The following OR3A1 variants were observed in gnomAD, a reference collection of about 807,000 sequenced individuals.
OR3A1 encodes olfactory receptor family 3 subfamily A member 1.
For missense variants in OR3A1, 402 were observed against 393.8 expected, an observed-to-expected ratio of 1.02 and a Z score of -0.18; for synonymous variants, 145 against 160.0, an observed-to-expected ratio of 0.91 and a Z score of 0.71.
Position 3,291,436 on chromosome 17 carries a change from G to C in OR3A1, c.*199C>G. ...GAAGCTGAATTTGTCTAAGGGGCTG[G>C]CTTGGCAGATCCTATACACTCATTG... On this transcript the variant is annotated 3_prime_UTR_variant, in exon 2 of 2. Coordinates refer to ENST00000323404, the MANE Select transcript of OR3A1 (RefSeq NM_002550.3). 4.1e-6 allele frequency: 2 copies of C among 483,794 alleles called. No individual in the cohort carries two copies. The highest frequency in any genetic ancestry group is 7.2e-6 in the Non-Finnish European group (2 of 277,542). 30.0% of individuals were successfully genotyped at this position (483,794 alleles called of 1,614,324 possible).
At position 3,292,160 on chromosome 17, in the gene OR3A1, C is replaced by G. The variant is rs371724964; in HGVS notation, c.423G>C (p.Gln141His). 1.7e-5 allele frequency: 27 copies of G among 1,614,052 alleles called. No individual in the cohort carries two copies. The African/African-American group carries it at 2.0e-4, about 12-fold the overall frequency. Residue 141 changes from glutamine to histidine, a missense_variant, in exon 2 of 2, where the codon CAG (glutamine) becomes CAC (histidine). By Grantham distance (24) the Gln-to-His change is conservative. Transcript: ENST00000323404. ...CAGCCACCAACATCCTCTGGACTGT[C>G]TGACTCATGCGGGTGCTGTAGGTGA... The part of the protein sequence containing the change: ...RPLTYSTRMS[Q>H]TVQRMLVAAS...
intron 1 of OR3A1, among the ~76,000 whole-genome samples, chr17:3,293,986 G>T (rs942475554): frequency 6.6e-6 from 1 of 152,058 alleles, no homozygotes; most frequent in Non-Finnish European, 1.5e-5. Context: ...GAACATTAGG[G>T]AAAAGAGCTA....
chr17:3,295,949 G>C (rs2048915134), intron 1 of OR3A1, among the ~76,000 whole-genome samples: 1 of 152,126 alleles, frequency 6.6e-6, no homozygotes, highest in Admixed American at 6.5e-5. Context: ...GTCAGAAACA[G>C]GGTAACAGTG....
intron 1 of OR3A1, among the ~76,000 whole-genome samples, chr17:3,297,289 T>C (rs1180627926): frequency 2.0e-5 from 3 of 152,220 alleles, no homozygotes; most frequent in Admixed American, 2.0e-4. Flanking sequence ...TTGACATATC[T>C]ATAGGAGCAG....
chr17:3,296,928 G>C (rs1297506117), intron 1 of OR3A1, among the ~76,000 whole-genome samples: 1 of 152,208 alleles, frequency 6.6e-6, no homozygotes, highest in African/African-American at 2.4e-5. Context: ...AAGAAGGAAA[G>C]CTTTTCAAAT....
intron 1 of OR3A1, 47 bp downstream of exon 1, chr17:3,298,236 C>T (rs559420244): frequency 2.2e-4 from 33 of 152,264 alleles, no homozygotes; most frequent in Admixed American, 5.9e-4. Flanking sequence ...TCCAAGAAGC[C>T]TGTCTTACAC....
At position 3,291,795 on chromosome 17, in the gene OR3A1, A is replaced by AT; in HGVS notation, c.787dup (p.Met263AsnfsTer13). ...TGAAAGCTTGGTTGAACCCAGTCGCATATAGTTAAAGATACCTGAACCATA... is the reference window on the plus strand; with the variant it reads ...TGAAAGCTTGGTTGAACCCAGTCGCATTATAGTTAAAGATACCTGAACCATA... On this transcript the variant is annotated frameshift_variant, in exon 2 of 2. Transcript: ENST00000323404. LOFTEE classifies it low-confidence loss of function (END_TRUNC). 1 of 1,613,806 alleles carries AT rather than the reference A, an allele frequency of 6.2e-7. No individual in the cohort carries two copies. Among genetic ancestry groups the AT allele is most frequent in the Non-Finnish European group, 8.5e-7 (1 of 1,179,668 alleles).
chr17:3,291,554 C>T lies in OR3A1; in HGVS notation c.*81G>A, dbSNP rs935690240. 11 of 1,153,466 alleles carry T rather than the reference C, an allele frequency of 9.5e-6. No individual in the cohort carries two copies. The highest frequency in any genetic ancestry group is 1.3e-5 in the Non-Finnish European group (11 of 816,420). The allele number at this position is 1,153,466 out of a possible 1,614,324, so 71.5% of individuals were successfully genotyped here. A position where few individuals can be genotyped will look rare whatever the true frequency, so the allele number is the denominator to read the frequency against. On this transcript the variant is annotated 3_prime_UTR_variant, in exon 2 of 2. Coordinates refer to ENST00000323404, the MANE Select transcript of OR3A1 (RefSeq NM_002550.3). ...CCCATGAAACAGAAACAGGTGTGAA[C>T]CATTTTTTTCCTAGTTTCTGGCTCT...
chr17:3,291,775 G>GGA lies in OR3A1; in HGVS notation c.807_808insTC (p.Leu270SerfsTer20), dbSNP rs2048870286. 1 of 1,613,682 alleles carries GGA rather than the reference G, an allele frequency of 6.2e-7. No homozygotes were observed. The highest frequency in any genetic ancestry group is 1.3e-5 in the African/African-American group (1 of 74,926). ...CCAACAGCTTTATCCTTGTCTGAAA[G>GGA]CTTGGTTGAACCCAGTCGCATATAG... On this transcript the variant is annotated frameshift_variant, in exon 2 of 2. Coordinates refer to ENST00000323404, the MANE Select transcript of OR3A1 (RefSeq NM_002550.3). LOFTEE classifies it low-confidence loss of function (END_TRUNC).
Position 3,292,480 on chromosome 17 carries a change from G to C in OR3A1, c.103C>G (p.Leu35Val). The change falls in exon 2 of 2, where the codon CTC becomes GTC. Residue 35 changes from leucine to valine, a missense_variant. Transcript: ENST00000323404. The stretch of plus-strand genomic sequence containing the variant: ...CTGACCGTGACCAGGTAGGCAAAGA[G>C]GAAGAGCACAAAGACAACTGGCTGC... ...GLQPVVFVLF[L>V]FAYLVTVRGN... is the part of the protein sequence containing the mutation. 1 of 1,613,796 alleles carries C rather than the reference G, an allele frequency of 6.2e-7. No individual in the cohort carries two copies. The highest frequency in any genetic ancestry group is 8.5e-7 in the Non-Finnish European group (1 of 1,179,960).
chr17:3,292,403 G>GAAGAA lies in OR3A1; in HGVS notation c.179_180insTTCTT (p.Pro61SerfsTer27). ...GGTTCCCCAGGAAGAAGTACATGGGGGTGTGGAGTTTGGGCTCCACCAAGA... is the reference window on the plus strand; with the variant it reads ...GGTTCCCCAGGAAGAAGTACATGGGGAAGAAGTGTGGAGTTTGGGCTCCACCAAGA... On this transcript the variant is annotated frameshift_variant, in exon 2 of 2. Coordinates refer to ENST00000323404, the MANE Select transcript of OR3A1 (RefSeq NM_002550.3). LOFTEE classifies it low-confidence loss of function (END_TRUNC). 1 of 1,614,044 alleles carries GAAGAA rather than the reference G, an allele frequency of 6.2e-7. No individual in the cohort carries two copies. The highest frequency in any genetic ancestry group is 8.5e-7 in the Non-Finnish European group (1 of 1,180,002).
chr17:3,297,580 G>A (rs1471042084), intron 1 of OR3A1, among the ~76,000 whole-genome samples: 2 of 151,358 alleles, frequency 1.3e-5, no homozygotes, highest in African/African-American at 2.5e-5. Context: ...TATACTTTAC[G>A]GCTCTTAGCT....
At chr17:3,295,971 C>T (rs962718027) in intron 1 of OR3A1, among the ~76,000 whole-genome samples, 1 of 152,102 alleles carries the variant, frequency 6.6e-6, no homozygotes, top group Non-Finnish European at 1.5e-5. Context: ...ATTTTAGTGA[C>T]TTTCAGTCCA....
chr17:3,292,571 T>C lies in OR3A1; in HGVS notation c.12A>G (p.Glu4=). The C allele has an allele frequency of 6.2e-7, 1 of 1,606,014 alleles. No individual in the cohort carries two copies. Among genetic ancestry groups the C allele is most frequent in the Non-Finnish European group, 8.5e-7 (1 of 1,174,970 alleles). Reference sequence around the variant, plus strand: ...CAATGACTGTTCCATTGGCCCCAGATTCTGGCTGCATGAGTTCCTGCAAAG... The same window carrying C: ...CAATGACTGTTCCATTGGCCCCAGACTCTGGCTGCATGAGTTCCTGCAAAG... MQP[E]SGANGTVIAE... Residue 4 remains glutamate (E), a synonymous_variant, in exon 2 of 2, where the codon GAA becomes GAG. Coordinates refer to ENST00000323404, the MANE Select transcript of OR3A1 (RefSeq NM_002550.3).
Position 3,292,177 on chromosome 17 carries a change from T to C in OR3A1, c.406A>G (p.Ser136Gly). 1.2e-6 allele frequency: 2 copies of C among 1,614,062 alleles called. No individual in the cohort carries two copies. The highest frequency in any genetic ancestry group is 1.7e-6 in the Non-Finnish European group (2 of 1,180,008). The stretch of plus-strand genomic sequence containing the variant: ...TGGACTGTCTGACTCATGCGGGTGC[T>C]GTAGGTGAGGGGCCGGCAGATGGCC... ...FLAICRPLTY[S>G]TRMSQTVQRM... The change falls in exon 2 of 2, where the codon AGC becomes GGC. Residue 136 changes from serine to glycine, a missense_variant. By Grantham distance (56) the Ser-to-Gly change is moderately conservative (BLOSUM62 0). Transcript: ENST00000323404.
Position 3,292,662 on chromosome 17 carries a change from C to A in OR3A1, c.-6-74G>T. ...TATTTACTCAAGAAAAAGAAACAGACCCCCTTCTACTTGCCCGGCCCTCTG... is the reference window on the plus strand; with the variant it reads ...TATTTACTCAAGAAAAAGAAACAGAACCCCTTCTACTTGCCCGGCCCTCTG... On this transcript the variant is annotated intron_variant, in intron 1 of 1. Transcript: ENST00000323404. 2.3e-6 allele frequency: 3 copies of A among 1,283,930 alleles called. No homozygotes were observed. In the South Asian group the frequency reaches 4.5e-5, roughly 19 times the overall value. 79.5% of individuals were successfully genotyped at this position (1,283,930 alleles called of 1,614,324 possible). A position where few individuals can be genotyped will look rare whatever the true frequency, so the allele number is the denominator to read the frequency against.
At chr17:3,298,032 C>G (rs2048933645) in intron 1 of OR3A1, among the ~76,000 whole-genome samples, 1 of 151,898 alleles carries the variant, frequency 6.6e-6, no homozygotes, top group Non-Finnish European at 1.5e-5. Flanking sequence ...GTTCTGAGGA[C>G]TCATTTGGGA....
chr17:3,294,386 G>A (rs1181020530), intron 1 of OR3A1, among the ~76,000 whole-genome samples: 2 of 151,948 alleles, frequency 1.3e-5, no homozygotes. Context: ...TGCAGGAACA[G>A]TATTTTAAAA....
intron 1 of OR3A1, among the ~76,000 whole-genome samples, chr17:3,294,800 C>CG (rs1355851243): frequency 6.6e-6 from 1 of 152,014 alleles, no homozygotes; most frequent in African/African-American, 2.4e-5. Context: ...CTGCAGTCTC[C>CG]GGGGGAAGAA....
Sources: gnomAD v4.1 joint callset for allele counts (sites outside exome capture counted in the v4.1 genomes callset) on GRCh38, gnomAD v4.1.1 for gene constraint, MANE v1.5 for transcripts, NCBI Gene and HGNC (gene_info 2026-07-23, HGNC 2026-07-21) for gene names.